Variants in NAPA observed in about 807,000 individuals in gnomAD.
The protein encoded by NAPA is NSF attachment protein alpha.
NAPA carries 18 observed loss-of-function variants against 48.0 expected under a neutral mutation model. The ratio of observed to expected loss-of-function variants is 0.38; its 90% CI spans 0.26 to 0.56. The LOEUF is 0.56. NAPA is among the 20% of genes least tolerant of loss of function. The pLI, the probability that NAPA is intolerant of heterozygous loss-of-function variation, is 0.77. For missense variants in NAPA, 315 were observed against 385.0 expected, an observed-to-expected ratio of 0.82 and a Z score of 1.52; for synonymous variants, 152 against 149.9, an observed-to-expected ratio of 1.01 and a Z score of -0.10.
chr19:47,497,693 C>T (rs1168362192), intron 3 of NAPA, among the ~76,000 whole-genome samples: 3 of 152,256 alleles, frequency 2.0e-5, no homozygotes, highest in Non-Finnish European at 4.4e-5. Context: ...TCACTCCTAC[C>T]AGCGACGCCC....
intron 1 of NAPA, among the ~76,000 whole-genome samples, chr19:47,505,994 C>CTTT (rs760461648): frequency 7.1e-5 from 9 of 126,930 alleles, no homozygotes; most frequent in Non-Finnish European, 1.2e-4. Flanking sequence ...GGAGTGACTT[C>CTTT]TTTTTTTTTT....
At chr19:47,510,426 C>G (rs1039021981) in intron 1 of NAPA, among the ~76,000 whole-genome samples, 1 of 152,236 alleles carries the variant, frequency 6.6e-6, no homozygotes, top group African/African-American at 2.4e-5. Flanking sequence ...ACAATACCTA[C>G]TAATAAAGAT....
chr19:47,493,246 A>C lies in NAPA; in HGVS notation c.421-72T>G, dbSNP rs1599897107. 1 of 1,511,940 alleles carries C rather than the reference A, an allele frequency of 6.6e-7. No homozygotes were observed. The allele number at this position is 1,511,940 out of a possible 1,614,324, so 93.7% of individuals were successfully genotyped here. On this transcript the variant is annotated intron_variant, in intron 5 of 10. Coordinates refer to ENST00000263354, the MANE Select transcript of NAPA (RefSeq NM_003827.4). The surrounding 1 kb of genome is among the most constrained non-coding windows in gnomAD (Gnocchi z 6.4). ...GAGGAGGCCTCCGTGAAGCTTCCAC[A>C]CCCTCCGCCCTGCCTGCCTGGGACA...
At chr19:47,487,623 G>C (rs1413249661), downstream of NAPA, 1 of 152,404 alleles carries the variant, frequency 6.6e-6, no homozygotes, top group Non-Finnish European at 1.5e-5. Flanking sequence ...GCAGAGGTGA[G>C]GAGGAAGAGA....
chr19:47,499,616 G>A (rs979040943), intron 3 of NAPA, among the ~76,000 whole-genome samples: 2 of 152,234 alleles, frequency 1.3e-5, no homozygotes, highest in African/African-American at 4.8e-5. Context: ...CGCATGAGAT[G>A]CCCAGCTGCT....
At chr19:47,499,559 C>T (rs539880068) in intron 3 of NAPA, among the ~76,000 whole-genome samples, 1 of 152,260 alleles carries the variant, frequency 6.6e-6, no homozygotes, top group South Asian at 2.1e-4. Context: ...GGCTGCTCCT[C>T]GGCCTCTTGC....
rs1451007633 is a variant in NAPA at position 47,489,698 on chromosome 19, G to A, written c.786+13C>T. 1.9e-6 allele frequency: 3 copies of A among 1,613,810 alleles called. No homozygotes were observed. The highest frequency in any genetic ancestry group is 1.6e-4 in the Middle Eastern group (1 of 6,078). On this transcript the variant is annotated intron_variant, in intron 10 of 10. Transcript: ENST00000263354. ...CCCGTGAAGGGGCCTGGCCCCCCAT[G>A]CTGGCCACTCACCGACTCGGTGTAG...
intron 9 of NAPA, 56 bp downstream of exon 9, chr19:47,490,732 C>G (rs1968242379): frequency 6.6e-7 from 1 of 1,525,402 alleles, no homozygotes; most frequent in African/African-American, 1.4e-5. Flanking sequence ...ACCTGGAGCC[C>G]CAGCCACCCC....
At chr19:47,502,317 T>G (rs1278433565) in intron 2 of NAPA, among the ~76,000 whole-genome samples, 2 of 151,680 alleles carry the variant, frequency 1.3e-5, no homozygotes, top group Non-Finnish European at 1.5e-5. Context: ...AGGGCTTTTC[T>G]TTGAAGAGTT....
At chr19:47,508,441 G>A (rs1290776041) in intron 1 of NAPA, among the ~76,000 whole-genome samples, 2 of 152,236 alleles carry the variant, frequency 1.3e-5, no homozygotes, top group African/African-American at 2.4e-5. Context: ...CCTGAGCCCA[G>A]CTCTGCTTTC....
chr19:47,503,828 T>C (rs1290468838), intron 1 of NAPA, among the ~76,000 whole-genome samples: 2 of 152,176 alleles, frequency 1.3e-5, no homozygotes, highest in African/African-American at 4.8e-5. Context: ...AGGGGCCCAC[T>C]GGGTCCCAGG....
chr19:47,495,525 G>A, intron 4 of NAPA, 25 bp downstream of exon 4: 1 of 1,612,902 alleles, frequency 6.2e-7, no homozygotes, highest in Non-Finnish European at 8.5e-7. Context: ...ACCCGGGGGT[G>A]TCAGGACAAG....
chr19:47,513,943 G>A (rs1268036461), intron 1 of NAPA, among the ~76,000 whole-genome samples: 3 of 147,202 alleles, frequency 2.0e-5, no homozygotes, highest in African/African-American at 2.5e-5. Context: ...TCTACCTCCG[G>A]GTTCAAGTGA....
At chr19:47,512,565 C>T (rs1441347824) in intron 1 of NAPA, 2 of 152,302 alleles carry the variant, frequency 1.3e-5, no homozygotes, top group Non-Finnish European at 2.9e-5. Flanking sequence ...GACCAGACAC[C>T]CAGAGCCACC....
At chr19:47,513,430 C>G (rs1968842311) in intron 1 of NAPA, among the ~76,000 whole-genome samples, 1 of 152,166 alleles carries the variant, frequency 6.6e-6, no homozygotes, top group Non-Finnish European at 1.5e-5. Flanking sequence ...ACACTCATAG[C>G]AAATGGGAGG....
downstream of NAPA, among the ~76,000 whole-genome samples, chr19:47,486,007 AAG>A (rs1301056243): frequency 6.6e-6 from 1 of 152,194 alleles, no homozygotes; most frequent in Non-Finnish European, 1.5e-5. Flanking sequence ...TCATCCTGTT[AAG>A]AGGTTTCCAA....
Position 47,493,097 on chromosome 19 carries a change from G to C in NAPA, c.476+22C>G. 3.1e-6 allele frequency: 5 copies of C among 1,613,990 alleles called. No homozygotes were observed. The highest frequency in any genetic ancestry group is 4.2e-6 in the Non-Finnish European group (5 of 1,179,926). On this transcript the variant is annotated intron_variant, in intron 6 of 10. Transcript: ENST00000263354. The surrounding 1 kb of genome is among the most constrained non-coding windows in gnomAD (Gnocchi z 6.4). ...AGTGGTGGCGGTCCCTGCGGGGCTG[G>C]GGCAGGCAGGAAGGGGGCTACCTGT...
rs1211575788 is a variant in NAPA at position 47,513,830 on chromosome 19, T to TTTTC, written c.98+1009_98+1012dup. Among the ~76,000 whole-genome samples, 248 of 146,504 alleles carry TTTTC rather than the reference T, an allele frequency of 1.7e-3. 1 individual carries two copies. The highest frequency in any genetic ancestry group is 7.1e-3 in the Middle Eastern group (2 of 280). The stretch of plus-strand genomic sequence containing the variant: ...CCTCAACCCAGGCCTCCTCAGGCTT[T>TTTTC]TTTCTTTCTTTCTTTCTTTTTTTTT... On this transcript the variant is annotated intron_variant, in intron 1 of 10. Transcript: ENST00000263354.
downstream of NAPA, among the ~76,000 whole-genome samples, chr19:47,486,006 T>TA (rs1165111036): frequency 6.6e-6 from 1 of 152,126 alleles, no homozygotes. Flanking sequence ...ATCATCCTGT[T>TA]AAGAGGTTTC....
Sources: allele counts gnomAD v4.1 joint callset (sites outside exome capture counted in the v4.1 genomes callset), GRCh38; gene constraint gnomAD v4.1.1; non-coding constraint Gnocchi (gnomAD v3.1); transcripts MANE v1.5; gene names NCBI Gene and HGNC (gene_info 2026-07-23, HGNC 2026-07-21).